The following RAB32 variants were observed in gnomAD, a reference collection of about 807,000 sequenced individuals.
RAB32 encodes the protein RAB32, member RAS oncogene family, also known as ras-related protein Rab-32.
Under a neutral mutation model 17.5 loss-of-function variants are expected in RAB32, and 17 were observed. The ratio of observed to expected loss-of-function variants is 0.97; its 90% CI spans 0.67 to 1.46. RAB32 has a LOEUF of 1.46. Ranked by LOEUF, RAB32 falls within the 40% of genes most tolerant of loss-of-function variation. The pLI, the probability that RAB32 is intolerant of heterozygous loss-of-function variation, is 0.00. For synonymous variants in RAB32, 115 were observed against 111.1 expected, an observed-to-expected ratio of 1.04 and a Z score of -0.22; for missense variants, 288 against 284.3, an observed-to-expected ratio of 1.01 and a Z score of -0.09.
intron 1 of RAB32, among the ~76,000 whole-genome samples, chr6:146,547,722 CA>C (rs34641788): frequency 0.098 from 10,707 of 109,512 alleles, 668 homozygotes; most frequent in African/African-American, 0.25. Context: ...AGATGATTCA[CA>C]AAAAAAAAAA....
Position 146,554,768 on chromosome 6 carries a change from A to T in RAB32, c.*163A>T, listed in dbSNP as rs1027092392. ...TTGAAAATGGAACTTTGGGAGAAGT[A>T]TCCCTGCTAGTGGCTCTGTAACTTA... On this transcript the variant is annotated 3_prime_UTR_variant, in exon 3 of 3. Coordinates refer to ENST00000367495, the MANE Select transcript of RAB32 (RefSeq NM_006834.5). 2 of 625,316 alleles carry T rather than the reference A, an allele frequency of 3.2e-6. No homozygotes were observed. Among genetic ancestry groups the T allele is most frequent in the African/African-American group, 3.7e-5 (2 of 53,946 alleles). 38.7% of individuals were successfully genotyped at this position (625,316 alleles called of 1,614,324 possible).
chr6:146,546,782 G>GTTTTTTT (rs962778741), intron 1 of RAB32, among the ~76,000 whole-genome samples: 3 of 118,486 alleles, frequency 2.5e-5, no homozygotes, highest in African/African-American at 1.0e-4. Flanking sequence ...TACTAGTTAG[G>GTTTTTTT]TTTTTTTTTT....
At chr6:146,544,324 T>A (rs1382223305) in intron 1 of RAB32, among the ~76,000 whole-genome samples, 1 of 151,380 alleles carries the variant, frequency 6.6e-6, no homozygotes, top group Non-Finnish European at 1.5e-5. Context: ...GCAGTAGGAG[T>A]TGGAGCAGGT....
chr6:146,552,635 C>G (rs1175881296), intron 2 of RAB32, among the ~76,000 whole-genome samples: 3 of 152,108 alleles, frequency 2.0e-5, no homozygotes, highest in Non-Finnish European at 2.9e-5. Flanking sequence ...GAAGTTGATA[C>G]AGATGCATGT....
chr6:146,554,484 G>T lies in RAB32; in HGVS notation c.557G>T (p.Arg186Leu), dbSNP rs191765199. The T allele has an allele frequency of 4.3e-6, 7 of 1,612,616 alleles. No homozygotes were observed. The Admixed American group carries it at 5.0e-5, about 12-fold the overall frequency. Residue 186 changes from arginine to leucine, a missense_variant, in exon 3 of 3, where the codon CGG (arginine) becomes CTG (leucine). Physicochemically the swap from Arg to Leu is moderately radical, Grantham distance 102. Transcript: ENST00000367495. ...AACATAAACATAGAGGAAGCTGCCC[G>T]GTTCCTAGTGGAGAAGATTCTTGTA... ...KDNINIEEAA[R>L]FLVEKILVNH...
chr6:146,552,891 A>G (rs1461108048), intron 2 of RAB32, among the ~76,000 whole-genome samples: 1 of 152,214 alleles, frequency 6.6e-6, no homozygotes, highest in Admixed American at 6.5e-5. Context: ...TGATGGGGAC[A>G]TGTGACAAAG....
At chr6:146,552,239 C>T (rs1049823098) in intron 2 of RAB32, among the ~76,000 whole-genome samples, 25 of 152,140 alleles carry the variant, frequency 1.6e-4, no homozygotes, top group Non-Finnish European at 3.1e-4. Flanking sequence ...TAACCAACTG[C>T]TTCCAAATAC....
chr6:146,549,572 G>A lies in RAB32; in HGVS notation c.359G>A (p.Trp120Ter). 1.2e-5 allele frequency: 19 copies of A among 1,614,150 alleles called. No homozygotes were observed. Among genetic ancestry groups the A allele is most frequent in the Non-Finnish European group, 1.6e-5 (19 of 1,180,012 alleles). Residue 120 changes from tryptophan (W) to a stop codon, truncating the protein, a stop_gained, in exon 2 of 3, where the codon TGG becomes TAG. Transcript: ENST00000367495. LOFTEE classifies it high-confidence loss of function. ...TCCACATTTGAGGCAGTCTTAAAATGGAAAAGTGATCTGGATAGTAAAGTT... is the reference window on the plus strand; with the variant it reads ...TCCACATTTGAGGCAGTCTTAAAATAGAAAAGTGATCTGGATAGTAAAGTT... ...RSSTFEAVLK[W>*]KSDLDSKVHL... is the part of the protein sequence containing the mutation.
At position 146,547,947 on chromosome 6, in the gene RAB32, A is replaced by G. The variant is rs376685465; in HGVS notation, c.251-1517A>G. On this transcript the variant is annotated intron_variant, in intron 1 of 2. Coordinates refer to ENST00000367495, the MANE Select transcript of RAB32 (RefSeq NM_006834.5). The stretch of plus-strand genomic sequence containing the variant: ...TTGTTGCTTAGTCTTTTCATATTCA[A>G]TAATTAAAATATATAAAAATGGAAG... Among the ~76,000 whole-genome samples, 7 of 152,274 alleles carry G rather than the reference A, an allele frequency of 4.6e-5. No homozygotes were observed. In the South Asian group the frequency reaches 6.2e-4, roughly 14 times the overall value.
intron 2 of RAB32, among the ~76,000 whole-genome samples, chr6:146,553,577 C>T (rs980751142): frequency 1.3e-5 from 2 of 151,962 alleles, no homozygotes; most frequent in African/African-American, 2.4e-5. Flanking sequence ...GAGACCAGGG[C>T]GACAACAGTG....
At chr6:146,544,405 T>C (rs2114780480) in intron 1 of RAB32, among the ~76,000 whole-genome samples, 1 of 152,168 alleles carries the variant, frequency 6.6e-6, no homozygotes, top group Non-Finnish European at 1.5e-5. Flanking sequence ...AAGTTTGAAC[T>C]CTGAATAATG....
chr6:146,550,732 G>T (rs909140016), intron 2 of RAB32, among the ~76,000 whole-genome samples: 23 of 145,656 alleles, frequency 1.6e-4, no homozygotes, highest in African/African-American at 5.3e-4. Context: ...TTTGGGGGGG[G>T]GGTTACGTGC....
At chr6:146,553,951 C>A (rs1198101284) in intron 2 of RAB32, among the ~76,000 whole-genome samples, 2 of 152,088 alleles carry the variant, frequency 1.3e-5, no homozygotes, top group African/African-American at 4.8e-5. Context: ...GGACATTGCA[C>A]TGACAACATT....
chr6:146,543,903 T>C lies in RAB32; in HGVS notation c.32T>C (p.Leu11Pro). ...GGCGGAGGAGCCGGGGACCCCGGCC[T>C]GGGGGCGGCCGCCGCCCCAGCGCCC... MAGGGAGDPG[L>P]GAAAAPAPET... Residue 11 changes from leucine (L) to proline (P), a missense_variant, in exon 1 of 3, where the codon CTG becomes CCG. Physicochemically the swap from Leu to Pro is moderately conservative, Grantham distance 98. Coordinates refer to ENST00000367495, the MANE Select transcript of RAB32 (RefSeq NM_006834.5). 6.3e-7 allele frequency: 1 copy of C among 1,582,848 alleles called. No individual in the cohort carries two copies. The highest frequency in any genetic ancestry group is 8.6e-7 in the Non-Finnish European group (1 of 1,167,112).
Position 146,554,452 on chromosome 6 carries a change from A to G in RAB32, c.529-4A>G. The G allele has an allele frequency of 6.2e-7, 1 of 1,601,358 alleles. No individual in the cohort carries two copies. The highest frequency in any genetic ancestry group is 1.1e-5 in the South Asian group (1 of 88,780). ...TAATCCCGTTCTTCATTTCTGCATTACAGGATAACATAAACATAGAGGAAG... is the reference window on the plus strand; with the variant it reads ...TAATCCCGTTCTTCATTTCTGCATTGCAGGATAACATAAACATAGAGGAAG... On this transcript the variant is annotated splice_region_variant and splice_polypyrimidine_tract_variant and intron_variant, in intron 2 of 2. Coordinates refer to ENST00000367495, the MANE Select transcript of RAB32 (RefSeq NM_006834.5).
chr6:146,544,226 C>A, intron 1 of RAB32, 105 bp downstream of exon 1: 1 of 1,401,554 alleles, frequency 7.1e-7, no homozygotes, highest in Non-Finnish European at 9.5e-7. Flanking sequence ...TGCCTGGGTA[C>A]CTTTAGGAGA....
intron 2 of RAB32, among the ~76,000 whole-genome samples, chr6:146,552,068 A>T (rs1451026447): frequency 6.6e-6 from 1 of 152,222 alleles, no homozygotes; most frequent in East Asian, 1.9e-4. Context: ...AATTGCAGTC[A>T]TCCGAATTTC....
chr6:146,552,465 A>G lies in RAB32; in HGVS notation c.529-1991A>G, dbSNP rs571845185. Among the ~76,000 whole-genome samples the G allele has an allele frequency of 7.2e-5, 11 of 152,288 alleles. No homozygotes were observed. The East Asian group carries it at 1.4e-3, about 19-fold the overall frequency. ...GTTGTCTGAGAAAGGGTTTACAAAT[A>G]AGGAAAAAGGCTACAATGAACCTCA... is the stretch of plus-strand genomic sequence containing the variant. On this transcript the variant is annotated intron_variant, in intron 2 of 2. Transcript: ENST00000367495.
In RAB32 at chr6:146,543,889, C is replaced by A. The variant is rs773799202; in HGVS notation, c.18C>A (p.Ala6=). Residue 6 remains alanine, a synonymous_variant, in exon 1 of 3, where the codon GCC becomes GCA. Transcript: ENST00000367495. MAGGG[A]GDPGLGAAAA... is the part of the protein sequence containing the mutation. Reference sequence around the variant, plus strand: ...CAGCGCTCATGGCGGGCGGAGGAGCCGGGGACCCCGGCCTGGGGGCGGCCG... The same window carrying A: ...CAGCGCTCATGGCGGGCGGAGGAGCAGGGGACCCCGGCCTGGGGGCGGCCG... 10 of 1,511,418 alleles carry A rather than the reference C, an allele frequency of 6.6e-6. No individual in the cohort carries two copies. In the South Asian group the frequency reaches 1.3e-4, roughly 19 times the overall value. 93.6% of individuals were successfully genotyped at this position (1,511,418 alleles called of 1,614,324 possible).
Sources: allele counts gnomAD v4.1 joint callset (sites outside exome capture counted in the v4.1 genomes callset), GRCh38; gene constraint gnomAD v4.1.1; transcripts MANE v1.5; gene names NCBI Gene and HGNC (gene_info 2026-07-23, HGNC 2026-07-21).